The following CHCHD6 variants were observed in gnomAD, a reference collection of about 807,000 sequenced individuals.
The protein encoded by CHCHD6 is coiled-coil-helix-coiled-coil-helix domain containing 6.
In CHCHD6, 28 loss-of-function variants were observed where a neutral mutation model predicts 32.3. The observed-to-expected ratio is 0.87, with a 90% confidence interval of 0.64 to 1.19. The LOEUF (loss-of-function observed/expected upper bound fraction) is 1.19, where lower values mean the gene tolerates loss of function less well. CHCHD6 is among the 50% of genes most tolerant of loss of function. The pLI is 0.00. For synonymous variants in CHCHD6, 122 were observed against 117.5 expected (o/e 1.04, Z -0.25); for missense variants, 333 against 307.0 (o/e 1.08, Z -0.63).
intron 4 of CHCHD6, among the ~76,000 whole-genome samples, chr3:126,799,055 C>G (rs994848256): frequency 6.6e-6 from 1 of 152,178 alleles, no homozygotes; most frequent in African/African-American, 2.4e-5. Context: ...GGCTCCTGGA[C>G]TTTTGCATTA....
At chr3:126,767,292 T>C in intron 4 of CHCHD6, 1 of 1,169,270 alleles carries the variant, frequency 8.6e-7, no homozygotes, top group East Asian at 2.3e-5. Flanking sequence ...TGCCCCATCT[T>C]GTTCTCCCCA....
At chr3:126,717,259 T>C (rs1257254884) in intron 1 of CHCHD6, among the ~76,000 whole-genome samples, 1 of 152,114 alleles carries the variant, frequency 6.6e-6, no homozygotes, top group African/African-American at 2.4e-5. Context: ...AGTAGGTAGG[T>C]AGCGTTAGTA....
intron 4 of CHCHD6, among the ~76,000 whole-genome samples, chr3:126,786,978 A>T (rs1307757230): frequency 6.6e-6 from 1 of 152,218 alleles, no homozygotes; most frequent in Non-Finnish European, 1.5e-5. Flanking sequence ...TAAGTCTTTA[A>T]TCCATCTTGA....
intron 5 of CHCHD6, among the ~76,000 whole-genome samples, chr3:126,876,013 GA>G (rs2077534909): frequency 6.6e-6 from 1 of 152,206 alleles, no homozygotes; most frequent in Non-Finnish European, 1.5e-5. Context: ...AAAATAAATA[GA>G]ATATATTGTA....
At chr3:126,935,134 C>T in intron 6 of CHCHD6, 1 of 987,656 alleles carries the variant, frequency 1.0e-6, no homozygotes, top group Non-Finnish European at 1.2e-6. Flanking sequence ...TGTCTCCGGC[C>T]ACCTGGGATG....
At chr3:126,931,714 C>T (rs2078409201) in intron 6 of CHCHD6, among the ~76,000 whole-genome samples, 1 of 152,178 alleles carries the variant, frequency 6.6e-6, no homozygotes, top group African/African-American at 2.4e-5. Context: ...TTCTAAGCTC[C>T]CCTTCTTAGT....
intron 1 of CHCHD6, among the ~76,000 whole-genome samples, chr3:126,708,280 A>G (rs1269088047): frequency 1.3e-5 from 2 of 152,230 alleles, no homozygotes; most frequent in Non-Finnish European, 2.9e-5. Context: ...AGGTTCAGTG[A>G]GGTGAAGTAA....
At chr3:126,950,718 A>G (rs1193374479) in intron 6 of CHCHD6, among the ~76,000 whole-genome samples, 1 of 152,108 alleles carries the variant, frequency 6.6e-6, no homozygotes, top group East Asian at 1.9e-4. Flanking sequence ...CCAAAGTGCT[A>G]GGATTACAGG....
chr3:126,773,454 G>A lies in CHCHD6; in HGVS notation c.411+40232G>A, dbSNP rs146725121. On this transcript the variant is annotated intron_variant, in intron 4 of 7. Transcript: ENST00000290913. ...GTGGCTACAACTGAGCCATGACAGC[G>A]ATAGGGCAAAGGCAAGTAAAAACAC... Among the ~76,000 whole-genome samples the A allele has an allele frequency of 4.0e-3, 609 of 152,292 alleles. 1 individual carries two copies. Among genetic ancestry groups the A allele is most frequent in the Non-Finnish European group, 5.9e-3 (399 of 68,024 alleles).
chr3:126,934,180 A>T (rs1047078603), intron 6 of CHCHD6, among the ~76,000 whole-genome samples: 36 of 152,232 alleles, frequency 2.4e-4, no homozygotes, highest in Admixed American at 1.6e-3. Flanking sequence ...GGAGTCAAAG[A>T]CAAGCTCCTA....
chr3:126,798,142 G>C (rs1271433880), intron 4 of CHCHD6, among the ~76,000 whole-genome samples: 1 of 152,204 alleles, frequency 6.6e-6, no homozygotes, highest in Non-Finnish European at 1.5e-5. Flanking sequence ...TGGAGGTTCT[G>C]CGGGGGGATG....
Position 126,849,688 on chromosome 3 carries a change from G to A in CHCHD6, c.412-2959G>A, listed in dbSNP as rs367738823. On this transcript the variant is annotated intron_variant, in intron 4 of 7. Transcript: ENST00000290913. ...ACCCGCTAACCCTACAAGTGAGTCTGTCTTATGGTCTTCCCAGCACATCTC... is the reference window on the plus strand; with the variant it reads ...ACCCGCTAACCCTACAAGTGAGTCTATCTTATGGTCTTCCCAGCACATCTC... Among the ~76,000 whole-genome samples the A allele has an allele frequency of 5.9e-5, 9 of 152,338 alleles. 1 individual carries two copies. In the South Asian group the frequency reaches 1.9e-3, roughly 32 times the overall value.
intron 6 of CHCHD6, among the ~76,000 whole-genome samples, chr3:126,931,931 G>A (rs2078412497): frequency 6.6e-6 from 1 of 152,184 alleles, no homozygotes; most frequent in Non-Finnish European, 1.5e-5. Context: ...TGATGAGGAA[G>A]TGAGGCTCAG....
At chr3:126,922,623 G>A (rs2078267280) in intron 6 of CHCHD6, among the ~76,000 whole-genome samples, 1 of 1,480 alleles carries the variant, frequency 6.8e-4, no homozygotes, top group South Asian at 0.038. Flanking sequence ...AGCCCACCAC[G>A]TGTGTGTGTG....
intron 4 of CHCHD6, among the ~76,000 whole-genome samples, chr3:126,772,572 G>C (rs78291480): frequency 0.058 from 8,778 of 151,994 alleles, 798 homozygotes; most frequent in African/African-American, 0.2. Flanking sequence ...GCTATTTTTT[G>C]TTTTCCATTT....
intron 1 of CHCHD6, among the ~76,000 whole-genome samples, chr3:126,725,707 ATCT>A (rs1172062600): frequency 2.0e-5 from 3 of 152,244 alleles, no homozygotes; most frequent in Non-Finnish European, 4.4e-5. Context: ...TCTTACATAG[ATCT>A]TCTGGATAAC....
chr3:126,743,684 A>G (rs1936376473), intron 4 of CHCHD6, among the ~76,000 whole-genome samples: 1 of 152,152 alleles, frequency 6.6e-6, no homozygotes. Flanking sequence ...ACTGGAGCCC[A>G]AGGGAACAGA....
intron 5 of CHCHD6, among the ~76,000 whole-genome samples, chr3:126,892,756 G>A (rs1239251502): frequency 6.6e-6 from 1 of 152,170 alleles, no homozygotes; most frequent in African/African-American, 2.4e-5. Flanking sequence ...TTAGATTTGA[G>A]GCCTAAAAGC....
chr3:126,818,514 C>T (rs747819761), intron 4 of CHCHD6, among the ~76,000 whole-genome samples: 21 of 152,152 alleles, frequency 1.4e-4, no homozygotes, highest in African/African-American at 3.9e-4. Context: ...AGGAAATCAG[C>T]GAAGGCATAT....
Sources: allele counts gnomAD v4.1 joint callset (sites outside exome capture counted in the v4.1 genomes callset), GRCh38; gene constraint gnomAD v4.1.1; transcripts MANE v1.5; gene names NCBI Gene and HGNC (gene_info 2026-07-23, HGNC 2026-07-21).